The following PDE7B variants were observed in gnomAD, a reference collection of about 807,000 sequenced individuals.
PDE7B encodes the protein 3',5'-cyclic-AMP phosphodiesterase 7B.
A neutral mutation model predicts 56.2 loss-of-function variants in PDE7B; 29 were observed. That is an observed-to-expected ratio of 0.52 (90% CI 0.38 to 0.70). The LOEUF is 0.70. Among genes scored for constraint, PDE7B ranks in the 30% least tolerant of loss-of-function variants. The pLI is 0.00. For synonymous variants in PDE7B, 197 were observed against 196.9 expected, an observed-to-expected ratio of 1.00 and a Z score of 0.00; for missense variants, 490 against 565.0, an observed-to-expected ratio of 0.87 and a Z score of 1.35.
At chr6:135,862,503 C>A (rs1775169446) in intron 1 of PDE7B, among the ~76,000 whole-genome samples, 1 of 151,704 alleles carries the variant, frequency 6.6e-6, no homozygotes, top group Non-Finnish European at 1.5e-5. Flanking sequence ...TTTGTTATGG[C>A]CTTATCAAGG....
chr6:135,855,252 C>T (rs1211424016), intron 1 of PDE7B, among the ~76,000 whole-genome samples: 2 of 152,118 alleles, frequency 1.3e-5, no homozygotes, highest in Non-Finnish European at 2.9e-5. Context: ...AGTGTCAAAC[C>T]TTTATTCCAA....
At chr6:135,990,624 A>G (rs1775462402) in intron 2 of PDE7B, among the ~76,000 whole-genome samples, 1 of 152,226 alleles carries the variant, frequency 6.6e-6, no homozygotes, top group Non-Finnish European at 1.5e-5. Flanking sequence ...TTCTGGAGAT[A>G]TATTGTGCAA....
intron 2 of PDE7B, among the ~76,000 whole-genome samples, chr6:135,968,744 T>C (rs1286924665): frequency 6.6e-6 from 1 of 152,180 alleles, no homozygotes; most frequent in Non-Finnish European, 1.5e-5. Flanking sequence ...CTCAAAGACC[T>C]AGAACCAGAA....
In PDE7B at chr6:136,193,729, G is replaced by A. The variant is rs1779267511; in HGVS notation, c.*1889G>A. 1 of 152,188 alleles carries A rather than the reference G, an allele frequency of 6.6e-6. No homozygotes were observed. The highest frequency in any genetic ancestry group is 1.5e-5 in the Non-Finnish European group (1 of 68,048). The allele number at this position is 152,188 out of a possible 1,614,324, so 9.4% of individuals were successfully genotyped here. ...ATTTCCTAAGTGCAACTGTTTTAGA[G>A]ATTTTTCTCCTAACATGCAAAGGAA... On this transcript the variant is annotated 3_prime_UTR_variant, in exon 13 of 13. Transcript: ENST00000308191.
intron 1 of PDE7B, among the ~76,000 whole-genome samples, chr6:135,935,190 T>TTATTTATATATATATATATATA (rs1554268032): frequency 5.5e-5 from 2 of 36,192 alleles, no homozygotes; most frequent in African/African-American, 1.2e-4. Flanking sequence ...ATATATTTAT[T>TTATTTATATATATATATATATA]TATATATATA....
intron 8 of PDE7B, among the ~76,000 whole-genome samples, chr6:136,158,344 A>G (rs139421996): frequency 5.4e-4 from 82 of 152,310 alleles, no homozygotes; most frequent in African/African-American, 1.7e-3. Context: ...AATGAATGAA[A>G]AAAATATATG....
intron 1 of PDE7B, among the ~76,000 whole-genome samples, chr6:135,925,241 G>A (rs925714453): frequency 6.6e-6 from 1 of 151,956 alleles, no homozygotes; most frequent in Non-Finnish European, 1.5e-5. Flanking sequence ...TCAGTAACAG[G>A]GTCCTCAGGC....
Position 135,870,969 on chromosome 6 carries a change from C to T in PDE7B, c.21+18950C>T, listed in dbSNP as rs12216248. 8.9e-3 allele frequency among the ~76,000 whole-genome samples: 1,360 copies of T among 152,052 alleles called. 11 individuals are homozygous for T. The highest frequency in any genetic ancestry group is 0.017 in the Middle Eastern group (5 of 294). On this transcript the variant is annotated intron_variant, in intron 1 of 12. Transcript: ENST00000308191. The stretch of plus-strand genomic sequence containing the variant: ...CTGCCTATATTATTGGAGCCCTGCC[C>T]GAAGAGCTCATGCTACAGAAGCTTC...
At chr6:135,915,922 G>C (rs908880849) in intron 1 of PDE7B, among the ~76,000 whole-genome samples, 1 of 152,180 alleles carries the variant, frequency 6.6e-6, no homozygotes. Context: ...CCCTTTGGAT[G>C]GATGAACCAC....
chr6:135,923,073 A>G (rs1774117393), intron 1 of PDE7B, among the ~76,000 whole-genome samples: 1 of 152,186 alleles, frequency 6.6e-6, no homozygotes, highest in Non-Finnish European at 1.5e-5. Context: ...AGAACTTTCA[A>G]GAGATATCAA....
At chr6:136,142,606 A>G (rs1005527138) in intron 3 of PDE7B, among the ~76,000 whole-genome samples, 7 of 152,216 alleles carry the variant, frequency 4.6e-5, no homozygotes, top group Non-Finnish European at 1.0e-4. Context: ...GTAGGTCACT[A>G]AGGACTTGCT....
At chr6:135,905,025 G>A (rs9483889) in intron 1 of PDE7B, among the ~76,000 whole-genome samples, 27,833 of 152,122 alleles carry the variant, frequency 0.18, 3,603 homozygotes, top group African/African-American at 0.36. Flanking sequence ...TTGGTTTAAC[G>A]TTTTGCTGTC....
At chr6:136,045,382 T>A (rs1179092921) in intron 2 of PDE7B, among the ~76,000 whole-genome samples, 4 of 152,206 alleles carry the variant, frequency 2.6e-5, no homozygotes, top group Non-Finnish European at 4.4e-5. Context: ...GTCTTAAATT[T>A]CCTGAAATTA....
intron 1 of PDE7B, among the ~76,000 whole-genome samples, chr6:135,923,011 T>A (rs1025194211): frequency 3.9e-5 from 6 of 152,192 alleles, no homozygotes; most frequent in African/African-American, 1.2e-4. Context: ...GTGGCACAGA[T>A]GCTTTTAATA....
rs371180238 is a variant in PDE7B, at chr6:136,091,263, T to C, written c.83-17468T>C. Among the ~76,000 whole-genome samples the C allele has an allele frequency of 1.4e-4, 21 of 152,340 alleles. No homozygotes were observed. In the South Asian group the frequency reaches 1.9e-3, roughly 14 times the overall value. ...GAAAACAACTGATCACAGATGGTTA[T>C]GAAGGAGAGTAGAATGTTAGCCTAA... On this transcript the variant is annotated intron_variant, in intron 2 of 12. Coordinates refer to ENST00000308191, the MANE Select transcript of PDE7B (RefSeq NM_018945.4).
chr6:136,037,846 GAAGA>G lies in PDE7B; in HGVS notation c.83-70879_83-70876del, dbSNP rs746791965. The G allele has an allele frequency of 3.9e-4, 383 of 985,122 alleles. No homozygotes were observed. In the Admixed American group the frequency reaches 5.4e-3, roughly 14 times the overall value. 61.0% of individuals were successfully genotyped at this position (985,122 alleles called of 1,614,324 possible). ...AAGAGAATTGAGAACAAATAAATCA[GAAGA>G]AAGAAGAGGAAAAGCAAATGCTAGA... On this transcript the variant is annotated intron_variant, in intron 2 of 12. Coordinates refer to ENST00000308191, the MANE Select transcript of PDE7B (RefSeq NM_018945.4).
chr6:136,180,753 C>T (rs1306602458), intron 10 of PDE7B, among the ~76,000 whole-genome samples: 2 of 152,232 alleles, frequency 1.3e-5, no homozygotes, highest in African/African-American at 4.8e-5. Flanking sequence ...GATACGACTT[C>T]ATTCCCTGAC....
chr6:136,014,215 G>A (rs1395315953), intron 2 of PDE7B, among the ~76,000 whole-genome samples: 1 of 152,106 alleles, frequency 6.6e-6, no homozygotes, highest in Non-Finnish European at 1.5e-5. Flanking sequence ...GAAATATAGA[G>A]GAAAGCTATA....
intron 2 of PDE7B, among the ~76,000 whole-genome samples, chr6:135,966,251 G>C (rs1228579584): frequency 1.3e-5 from 2 of 152,096 alleles, no homozygotes; most frequent in African/African-American, 4.8e-5. Flanking sequence ...TTTGTCTTTA[G>C]AGTGGCTTTT....
Sources: allele counts gnomAD v4.1 joint callset (sites outside exome capture counted in the v4.1 genomes callset), GRCh38; gene constraint gnomAD v4.1.1; transcripts MANE v1.5; gene names NCBI Gene and HGNC (gene_info 2026-07-23, HGNC 2026-07-21).